The following UHRF2 variants were observed in gnomAD, a reference collection of about 807,000 sequenced individuals.
UHRF2 encodes ubiquitin like with PHD and ring finger domains 2.
In UHRF2, 23 loss-of-function variants were observed where a neutral mutation model predicts 96.8. The observed-to-expected ratio is 0.24, with a 90% CI of 0.17 to 0.34. The LOEUF (loss-of-function observed/expected upper bound fraction) is 0.34, where lower values mean the gene tolerates loss of function less well. Ranked by LOEUF, UHRF2 falls within the 10% of genes least tolerant of loss-of-function variation. The pLI is 1.00. For synonymous variants in UHRF2, 385 were observed against 332.6 expected (o/e 1.16, Z -1.72); for missense variants, 685 against 981.5 (o/e 0.70, Z 4.04).
chr9:6,446,493 C>G (rs1047748826), intron 3 of UHRF2, among the ~76,000 whole-genome samples: 1 of 151,896 alleles, frequency 6.6e-6, no homozygotes, highest in Non-Finnish European at 1.5e-5. Flanking sequence ...GTTGCCCAGG[C>G]TGGTCTCAAA....
At chr9:6,488,251 TAAAAAAAAAAAAAAAAAAAAAAAAAAA>T (rs777979832) in intron 9 of UHRF2, among the ~76,000 whole-genome samples, 26 of 52,564 alleles carry the variant, frequency 4.9e-4, no homozygotes, top group East Asian at 1.8e-3. Context: ...CCTGTCTCCT[TAAAAAAAAAAAAAAAAAAAAAAAAAAA>T]AAAAAAAAAA....
intron 9 of UHRF2, among the ~76,000 whole-genome samples, chr9:6,491,027 T>C (rs1476078973): frequency 6.6e-6 from 1 of 152,258 alleles, no homozygotes; most frequent in African/African-American, 2.4e-5. Flanking sequence ...TCTGGGTGAA[T>C]GGATGTAATA....
chr9:6,435,590 C>T (rs1000668459), intron 3 of UHRF2, among the ~76,000 whole-genome samples: 1 of 152,066 alleles, frequency 6.6e-6, no homozygotes, highest in African/African-American at 2.4e-5. Flanking sequence ...GTCCCACTTC[C>T]CCAAGATAAT....
intron 3 of UHRF2, among the ~76,000 whole-genome samples, chr9:6,458,671 C>T (rs926248907): frequency 6.6e-6 from 1 of 152,060 alleles, no homozygotes; most frequent in African/African-American, 2.4e-5. Flanking sequence ...CCTCAAGGAC[C>T]TAGAACCAGA....
chr9:6,463,547 T>G (rs79309408), intron 4 of UHRF2, among the ~76,000 whole-genome samples: 26,201 of 151,434 alleles, frequency 0.17, 2,371 homozygotes, highest in East Asian at 0.27. Context: ...CCCGGCTCAC[T>G]GCAACCTCCG....
intron 3 of UHRF2, among the ~76,000 whole-genome samples, chr9:6,447,786 A>G (rs764180504): frequency 6.6e-6 from 1 of 152,240 alleles, no homozygotes; most frequent in Non-Finnish European, 1.5e-5. Context: ...AACATTGCCT[A>G]GTTTAGCAGG....
chr9:6,438,464 C>T (rs1228614193), intron 3 of UHRF2, among the ~76,000 whole-genome samples: 1 of 152,184 alleles, frequency 6.6e-6, no homozygotes, highest in Non-Finnish European at 1.5e-5. Context: ...GGTTACCATC[C>T]CATTGCATTT....
intron 2 of UHRF2, chr9:6,422,858 A>C (rs928225915): frequency 2.6e-6 from 1 of 391,016 alleles, no homozygotes; most frequent in Admixed American, 4.4e-5. Context: ...TTTTGATGCA[A>C]TTATTATATA....
chr9:6,481,412 C>G (rs569351845), intron 6 of UHRF2, among the ~76,000 whole-genome samples: 3 of 152,160 alleles, frequency 2.0e-5, no homozygotes, highest in Admixed American at 2.0e-4. Flanking sequence ...GAGTTTTGAA[C>G]TGAATTTGAG....
Position 6,434,121 on chromosome 9 carries a change from T to G in UHRF2, c.592T>G (p.Ser198Ala). 1 of 1,614,128 alleles carries G rather than the reference T, an allele frequency of 6.2e-7. No homozygotes were observed. Among genetic ancestry groups the G allele is most frequent in the South Asian group, 1.1e-5 (1 of 91,082 alleles). The stretch of plus-strand genomic sequence containing the variant: ...GGACAGTGTACCCTCTACGTCTAAT[T>G]CAGACTGTGTTGCTGCTGATGAAGA... ...KLDSVPSTSN[S>A]DCVAADEDVI... is the part of the protein sequence containing the mutation. The change falls in exon 3 of 16, where the codon TCA becomes GCA. Residue 198 changes from serine (S) to alanine (A), a missense_variant. Coordinates refer to ENST00000276893, the MANE Select transcript of UHRF2 (RefSeq NM_152896.3).
chr9:6,491,929 C>T (rs191612526), intron 9 of UHRF2, among the ~76,000 whole-genome samples: 10 of 152,282 alleles, frequency 6.6e-5, no homozygotes, highest in Admixed American at 3.3e-4. Context: ...GACAAGGTCT[C>T]GCTATGTCAC....
chr9:6,427,208 TA>T (rs752327635), intron 2 of UHRF2, among the ~76,000 whole-genome samples: 12 of 152,240 alleles, frequency 7.9e-5, no homozygotes, highest in Admixed American at 1.3e-4. Context: ...ACTTGGTAAA[TA>T]TTTTTTTTTA....
intron 4 of UHRF2, among the ~76,000 whole-genome samples, chr9:6,463,549 C>T (rs1373771220): frequency 6.6e-6 from 1 of 151,784 alleles, no homozygotes; most frequent in Non-Finnish European, 1.5e-5. Flanking sequence ...CGGCTCACTG[C>T]AACCTCCGCC....
chr9:6,500,609 A>T lies in UHRF2; in HGVS notation c.2063A>T (p.Glu688Val). 1 of 1,613,770 alleles carries T rather than the reference A, an allele frequency of 6.2e-7. No individual in the cohort carries two copies. The highest frequency in any genetic ancestry group is 8.5e-7 in the Non-Finnish European group (1 of 1,179,964). ...GCATCAGATTCAGCAGAAGCAATTG[A>T]GGCTTTTCAACTAACTCCTCAACAG... ...YKASDSAEAI[E>V]AFQLTPQQQH... Residue 688 changes from glutamate (E) to valine (V), a missense_variant, in exon 14 of 16, where the codon GAG (glutamate) becomes GTG (valine). By Grantham distance (121) the Glu-to-Val change is moderately radical (BLOSUM62 -2). Coordinates refer to ENST00000276893, the MANE Select transcript of UHRF2 (RefSeq NM_152896.3).
intron 14 of UHRF2, among the ~76,000 whole-genome samples, chr9:6,502,514 C>T (rs549576905): frequency 6.6e-6 from 1 of 152,220 alleles, no homozygotes; most frequent in African/African-American, 2.4e-5. Flanking sequence ...TCTCAAACAC[C>T]TGGGCTCAGG....
chr9:6,415,338 G>A (rs12351492), intron 1 of UHRF2: 27,947 of 152,116 alleles, frequency 0.18, 2,727 homozygotes, highest in Middle Eastern at 0.24. Context: ...GGTTTCTTCA[G>A]CCCAGTGATA....
intron 1 of UHRF2, among the ~76,000 whole-genome samples, chr9:6,417,016 G>T (rs1454602351): frequency 1.3e-5 from 2 of 151,908 alleles, no homozygotes; most frequent in Non-Finnish European, 2.9e-5. Flanking sequence ...CTATTTAAAG[G>T]AATATCTATG....
chr9:6,450,229 T>A (rs79762977), intron 3 of UHRF2, among the ~76,000 whole-genome samples: 6 of 152,118 alleles, frequency 3.9e-5, no homozygotes, highest in Non-Finnish European at 8.8e-5. Flanking sequence ...ACTTAGGTTG[T>A]TCAAATAAGG....
intron 9 of UHRF2, among the ~76,000 whole-genome samples, chr9:6,487,192 T>TA (rs1824348983): frequency 4.6e-5 from 6 of 129,920 alleles, no homozygotes; most frequent in African/African-American, 1.8e-4. Context: ...CTTTTTTTTT[T>TA]TTTTTTTTTT....
Sources: allele counts gnomAD v4.1 joint callset (sites outside exome capture counted in the v4.1 genomes callset), GRCh38; gene constraint gnomAD v4.1.1; transcripts MANE v1.5; gene names NCBI Gene and HGNC (gene_info 2026-07-23, HGNC 2026-07-21).